The following ENTREP2 variants were observed in gnomAD, a reference collection of about 807,000 sequenced individuals.
ENTREP2 encodes the protein protein ENTREP2.
At chr15:29,628,468 TG>T in the ENTREP2 span, among the ~76,000 whole-genome samples, 29 of 152,336 alleles carry the variant, frequency 1.9e-4, no homozygotes, top group Admixed American at 7.8e-4. Flanking sequence ...CCACGGTGCT[TG>T]AAAAGAATGT....
chr15:29,377,746 G>A, the ENTREP2 span, among the ~76,000 whole-genome samples: 3 of 151,250 alleles, frequency 2.0e-5, no homozygotes, highest in Admixed American at 6.6e-5. Context: ...GCTTGAACCC[G>A]GGTGGCAGAG....
chr15:29,257,070 AT>A, the ENTREP2 span, among the ~76,000 whole-genome samples: 1 of 150,078 alleles, frequency 6.7e-6, no homozygotes, highest in South Asian at 2.1e-4. Context: ...TTATTTATTT[AT>A]TTATTTATTT....
the ENTREP2 span, among the ~76,000 whole-genome samples, chr15:29,261,801 T>C: frequency 3.9e-5 from 6 of 151,904 alleles, no homozygotes; most frequent in East Asian, 1.9e-4. Context: ...ATATTTAGCA[T>C]TGAATATAAC....
the ENTREP2 span, among the ~76,000 whole-genome samples, chr15:29,414,971 G>C: frequency 6.6e-6 from 1 of 152,222 alleles, no homozygotes; most frequent in African/African-American, 2.4e-5. Context: ...TCTCTGAATA[G>C]ACAAATAATA....
chr15:29,224,541 C>T, the ENTREP2 span, among the ~76,000 whole-genome samples: 1 of 152,268 alleles, frequency 6.6e-6, no homozygotes, highest in East Asian at 1.9e-4. Context: ...CTGATTGGTG[C>T]ATTTACAATC....
At chr15:29,364,413 C>G in the ENTREP2 span, among the ~76,000 whole-genome samples, 2 of 152,172 alleles carry the variant, frequency 1.3e-5, no homozygotes, top group African/African-American at 4.8e-5. Context: ...GAAGTAAGTG[C>G]AGCAGGCATC....
At chr15:29,363,331 GC>G in the ENTREP2 span, among the ~76,000 whole-genome samples, 1 of 152,052 alleles carries the variant, frequency 6.6e-6, no homozygotes, top group South Asian at 2.1e-4. Context: ...TCAATTCATG[GC>G]TTCGAAAGAA....
the ENTREP2 span, among the ~76,000 whole-genome samples, chr15:29,644,475 C>T: frequency 2.6e-5 from 4 of 152,214 alleles, no homozygotes; most frequent in South Asian, 2.1e-4. Context: ...GGGAAGTAAA[C>T]GCTCAAAGGG....
At chr15:29,613,508 C>T in the ENTREP2 span, 1 of 344,660 alleles carries the variant, frequency 2.9e-6, no homozygotes, top group Non-Finnish European at 5.8e-6. Flanking sequence ...ATCCTGACCA[C>T]ATCATGAACA....
the ENTREP2 span, among the ~76,000 whole-genome samples, chr15:29,379,859 G>A: frequency 1.3e-5 from 2 of 152,152 alleles, no homozygotes; most frequent in East Asian, 3.9e-4. Context: ...CTCTGCGGAA[G>A]GCGGCTTTTC....
the ENTREP2 span, among the ~76,000 whole-genome samples, chr15:29,168,048 T>TAG: frequency 6.6e-6 from 1 of 152,196 alleles, no homozygotes; most frequent in African/African-American, 2.4e-5. Flanking sequence ...TGGAGACTCT[T>TAG]ATTCTAAGTG....
chr15:29,495,994 G>A, the ENTREP2 span, among the ~76,000 whole-genome samples: 1 of 151,930 alleles, frequency 6.6e-6, no homozygotes, highest in Admixed American at 6.6e-5. Context: ...AGATCACTTT[G>A]GGTATTATGA....
chr15:29,188,571 C>T, the ENTREP2 span, among the ~76,000 whole-genome samples: 1 of 152,152 alleles, frequency 6.6e-6, no homozygotes, highest in Admixed American at 6.5e-5. Context: ...CATCCATGTC[C>T]CTGCAAAGGA....
chr15:29,157,274 G>A, the ENTREP2 span, among the ~76,000 whole-genome samples: 8 of 152,112 alleles, frequency 5.3e-5, no homozygotes, highest in Non-Finnish European at 8.8e-5. Context: ...GAGTTCAAAT[G>A]TGCCTTCACC....
chr15:29,383,111 G>C, the ENTREP2 span, among the ~76,000 whole-genome samples: 1 of 152,024 alleles, frequency 6.6e-6, no homozygotes, highest in Non-Finnish European at 1.5e-5. Flanking sequence ...TGAGCCCTTT[G>C]TCTCCTCTCC....
At chr15:29,341,284 T>C in the ENTREP2 span, among the ~76,000 whole-genome samples, 1 of 152,262 alleles carries the variant, frequency 6.6e-6, no homozygotes, top group South Asian at 2.1e-4. Flanking sequence ...CATTTGCTTA[T>C]ACCTTTGTTC....
the ENTREP2 span, among the ~76,000 whole-genome samples, chr15:29,352,318 C>T: frequency 1.3e-5 from 2 of 152,098 alleles, no homozygotes; most frequent in African/African-American, 4.8e-5. Flanking sequence ...ATGAAATCCC[C>T]AGGAATGAAG....
At chr15:29,370,768 G>T in the ENTREP2 span, among the ~76,000 whole-genome samples, 1 of 152,156 alleles carries the variant, frequency 6.6e-6, no homozygotes, top group African/African-American at 2.4e-5. Flanking sequence ...GGCCTAGAGT[G>T]TGAGAGCATG....
the ENTREP2 span, among the ~76,000 whole-genome samples, chr15:29,614,459 C>T: frequency 1.3e-5 from 2 of 152,104 alleles, no homozygotes; most frequent in South Asian, 4.1e-4. Flanking sequence ...GAGGGAGGGT[C>T]TAGAGCAGTG....
Sources: gnomAD v4.1 joint callset for allele counts (sites outside exome capture counted in the v4.1 genomes callset) on GRCh38, gnomAD v4.1.1 for gene constraint, MANE v1.5 for transcripts, NCBI Gene and HGNC (gene_info 2026-07-23, HGNC 2026-07-21) for gene names.